NCOR2: variants seen among roughly 807,000 people sequenced by gnomAD.
NCOR2 encodes the protein nuclear receptor corepressor 2.
Under a neutral mutation model 262.9 loss-of-function variants are expected in NCOR2, and 81 were observed. That is an observed-to-expected ratio of 0.31 (90% confidence interval 0.26 to 0.37). The LOEUF (loss-of-function observed/expected upper bound fraction) is 0.37, where lower values mean the gene tolerates loss of function less well. NCOR2 is among the 10% of genes least tolerant of loss of function. The pLI, the probability that NCOR2 is intolerant of heterozygous loss-of-function variation, is 1.00. For missense variants in NCOR2, 3,385 were observed against 3,621.4 expected (o/e 0.93, Z 1.68); for synonymous variants, 1,659 against 1,559.3 (o/e 1.06, Z -1.51).
intron 24 of NCOR2, 191 bp downstream of exon 26, chr12:124,355,241 C>G: frequency 1.5e-6 from 1 of 680,532 alleles, no homozygotes; most frequent in Admixed American, 2.9e-5. Context: ...GACTGCAATA[C>G]AGAGTGACCC....
At chr12:124,537,874 T>C (rs2051163449), upstream of NCOR2, 1 of 152,318 alleles carries the variant, frequency 6.6e-6, no homozygotes, top group Non-Finnish European at 1.5e-5. Flanking sequence ...TTTTTCACTA[T>C]GATGCCCCCA....
intron 1 of NCOR2, among the ~76,000 whole-genome samples, chr12:124,545,813 C>T (rs1034040722): frequency 3.3e-5 from 5 of 152,038 alleles, no homozygotes; most frequent in African/African-American, 9.7e-5. Flanking sequence ...GGGTGGGGGA[C>T]GAGTGGCGTG....
chr12:124,482,917 T>A lies in NCOR2; in HGVS notation c.411+679A>T, dbSNP rs1022250566. ...GGGCAGTAGAAGGCGGCTTTGTCAT[T>A]CTAGGGGTCCAGGCCATGTCCTAAC... On this transcript the variant is annotated intron_variant, in intron 3 of 46. Coordinates refer to ENST00000405201, the Ensembl canonical transcript of NCOR2. The surrounding 1 kb of genome is among the most constrained non-coding windows in gnomAD (Gnocchi z 6.3). 6.6e-6 allele frequency among the ~76,000 whole-genome samples: 1 copy of A among 152,090 alleles called. No individual in the cohort carries two copies.
chr12:124,380,858 CAGAG>C (rs1199663458), intron 17 of NCOR2, among the ~76,000 whole-genome samples: 3 of 152,128 alleles, frequency 2.0e-5, no homozygotes, highest in Non-Finnish European at 4.4e-5. Context: ...AGCTGGGTCT[CAGAG>C]AGAGTCCCAG....
intron 12 of NCOR2, among the ~76,000 whole-genome samples, chr12:124,421,667 C>G (rs1262538022): frequency 6.6e-6 from 1 of 152,242 alleles, no homozygotes; most frequent in Non-Finnish European, 1.5e-5. Context: ...GGCAGGTCCC[C>G]ATCTCTGAGA....
Position 124,378,416 on chromosome 12 carries a change from G to T in NCOR2, c.2020-32C>A, listed in dbSNP as rs777537626. 1.9e-6 allele frequency: 3 copies of T among 1,591,420 alleles called. No homozygotes were observed. The South Asian group carries it at 3.4e-5, about 18-fold the overall frequency. On this transcript the variant is annotated intron_variant, in intron 17 of 46. Transcript: ENST00000405201. The surrounding 1 kb of genome is among the most constrained non-coding windows in gnomAD (Gnocchi z 4.2). ...CACAGGGAAGCAGCAGATCAGGACT[G>T]GGGCCTGGGCTGTCAGCTCGGGGAC... is the stretch of plus-strand genomic sequence containing the variant.
rs891418877 is a variant in NCOR2 at position 124,458,064 on chromosome 12, C to G, written c.706-902G>C. 5.9e-5 allele frequency among the ~76,000 whole-genome samples: 9 copies of G among 152,356 alleles called. No homozygotes were observed. The South Asian group carries it at 8.3e-4, about 14-fold the overall frequency. ...GTGCTGGCAAATGGGTGTTCACAGG[C>G]TGGCACGCGGGCGAGCCCCTGCTGT... On this transcript the variant is annotated intron_variant, in intron 5 of 46. Transcript: ENST00000405201.
At chr12:124,385,166 G>T (rs920525001) in intron 17 of NCOR2, among the ~76,000 whole-genome samples, 5 of 152,168 alleles carry the variant, frequency 3.3e-5, no homozygotes, top group African/African-American at 1.2e-4. Flanking sequence ...TTACACGCTG[G>T]CGAGGCGAGC....
chr12:124,363,810 A>G lies in NCOR2; in HGVS notation c.2808-11T>C. The G allele has an allele frequency of 7.5e-7, 1 of 1,337,124 alleles. No homozygotes were observed. The highest frequency in any genetic ancestry group is 9.6e-7 in the Non-Finnish European group (1 of 1,037,832). 82.8% of individuals were successfully genotyped at this position (1,337,124 alleles called of 1,614,324 possible). On this transcript the variant is annotated splice_polypyrimidine_tract_variant and intron_variant, in intron 20 of 46. Coordinates refer to ENST00000405201, the Ensembl canonical transcript of NCOR2. The stretch of plus-strand genomic sequence containing the variant: ...CTTGGGGACAGCAGCCTGCGGGCAC[A>G]CGAGCACCATCAGCTGGGGGCCCAC...
intron 10 of NCOR2, among the ~76,000 whole-genome samples, chr12:124,428,424 C>T (rs935475096): frequency 6.6e-6 from 1 of 152,230 alleles, no homozygotes; most frequent in Non-Finnish European, 1.5e-5. Flanking sequence ...GGATTGCCTG[C>T]GTCAGAATCA....
rs919696156 is a variant in NCOR2, at chr12:124,335,409, C to T, written c.6265+74G>A. ...TTGGCCTTTAGGCACCTCTGTTTTC[C>T]TATCTGCATGATGGGGCCTTGAGGG... On this transcript the variant is annotated intron_variant, in intron 39 of 46. Coordinates refer to ENST00000405201, the Ensembl canonical transcript of NCOR2. The T allele has an allele frequency of 3.3e-6, 5 of 1,537,838 alleles. No homozygotes were observed. The African/African-American group carries it at 4.1e-5, about 13-fold the overall frequency.
At position 124,342,810 on chromosome 12, in the gene NCOR2, G is replaced by A. The variant is rs574586179; in HGVS notation, c.4936+195C>T. 2.6e-5 allele frequency among the ~76,000 whole-genome samples: 4 copies of A among 152,332 alleles called. No individual in the cohort carries two copies. The South Asian group carries it at 8.3e-4, about 32-fold the overall frequency. On this transcript the variant is annotated intron_variant, in intron 33 of 46. Transcript: ENST00000405201. The stretch of plus-strand genomic sequence containing the variant: ...TGAAATGTTTAACCCCACATGTCCT[G>A]CAAACTACTAAGAGAAATTCTGCTC...
At chr12:124,518,237 AG>A (rs936761312) in intron 1 of NCOR2, 36 of 152,782 alleles carry the variant, frequency 2.4e-4, no homozygotes, top group African/African-American at 8.2e-4. Flanking sequence ...AGTGCCAGCC[AG>A]CGGGCCAGCA....
rs561228226 is a variant in NCOR2 at position 124,516,142 on chromosome 12, C to A, written c.-118+19423G>T. On this transcript the variant is annotated intron_variant, in intron 1 of 46. Transcript: ENST00000404621. ...GACAGCGGGCAGCTGGTGCGGGGGG[C>A]CTGGACGCCCGGGGAACTCCCCACT... 2.0e-5 allele frequency among the ~76,000 whole-genome samples: 3 copies of A among 152,342 alleles called. No homozygotes were observed. The East Asian group carries it at 5.8e-4, about 29-fold the overall frequency.
intron 7 of NCOR2, among the ~76,000 whole-genome samples, chr12:124,447,381 T>G (rs561570355): frequency 3.3e-5 from 5 of 152,334 alleles, no homozygotes; most frequent in African/African-American, 1.2e-4. Flanking sequence ...ATGCTTACAG[T>G]TTTATTCTAC....
chr12:124,424,633 C>T (rs1013623096), intron 11 of NCOR2, among the ~76,000 whole-genome samples: 2 of 152,230 alleles, frequency 1.3e-5, no homozygotes, highest in East Asian at 3.8e-4. Context: ...TCGGTATCTG[C>T]ACTTGCGGGT....
chr12:124,512,239 T>G (rs2049434968), intron 1 of NCOR2, among the ~76,000 whole-genome samples: 1 of 152,178 alleles, frequency 6.6e-6, no homozygotes, highest in African/African-American at 2.4e-5. Flanking sequence ...CTCTAACAGT[T>G]CTGGAGCCTG....
intron 14 of NCOR2, 107 bp downstream of exon 16, chr12:124,402,297 G>A: frequency 1.3e-6 from 2 of 1,550,834 alleles, no homozygotes; most frequent in South Asian, 1.2e-5. Flanking sequence ...CTGCTCACAG[G>A]CAATTGGTGG....
At chr12:124,485,918 G>A (rs192963125) in intron 2 of NCOR2, among the ~76,000 whole-genome samples, 2 of 152,080 alleles carry the variant, frequency 1.3e-5, no homozygotes, top group South Asian at 2.1e-4. Flanking sequence ...CCCAGCCCTG[G>A]CCCTCCCCTT....
Sources: gnomAD v4.1 joint callset for allele counts (sites outside exome capture counted in the v4.1 genomes callset) on GRCh38, gnomAD v4.1.1 for gene constraint, Gnocchi (gnomAD v3.1) non-coding constraint, MANE v1.5 for transcripts, NCBI Gene and HGNC (gene_info 2026-07-23, HGNC 2026-07-21) for gene names.